Variants in LILRB1 observed in about 807,000 individuals in gnomAD.
LILRB1 encodes leukocyte immunoglobulin like receptor B1, also known as leukocyte immunoglobulin-like receptor subfamily B member 1.
In LILRB1, 59 loss-of-function variants were observed where a neutral mutation model predicts 74.6. The ratio of observed to expected loss-of-function variants is 0.79; its 90% CI spans 0.64 to 0.98. The LOEUF is 0.98. LILRB1 is among the 50% of genes least tolerant of loss of function. The pLI is 0.00. For missense variants in LILRB1, 804 were observed against 822.6 expected, an observed-to-expected ratio of 0.98 and a Z score of 0.28; for synonymous variants, 328 against 333.9, an observed-to-expected ratio of 0.98 and a Z score of 0.19.
At position 54,630,627 on chromosome 19, in the gene LILRB1, T is replaced by G. The variant is rs2063753363; in HGVS notation, c.-55T>G. 1.1e-6 allele frequency: 1 copy of G among 879,316 alleles called. No individual in the cohort carries two copies. The highest frequency in any genetic ancestry group is 2.0e-5 in the Admixed American group (1 of 50,212). 54.5% of individuals were successfully genotyped at this position (879,316 alleles called of 1,614,324 possible). On this transcript the variant is annotated 5_prime_UTR_variant, in exon 1 of 15. Transcript: ENST00000324602. ...GCATCTCCAGGGCTGGAGGGACGAC[T>G]GCCATGGTAAGGACCCCACAACACT... is the stretch of plus-strand genomic sequence containing the variant.
chr19:54,626,422 C>T (rs762330655), upstream of LILRB1, among the ~76,000 whole-genome samples: 56 of 152,266 alleles, frequency 3.7e-4, no homozygotes, highest in Middle Eastern at 6.8e-3. Flanking sequence ...TAACGTACTC[C>T]TTATTTCCTT....
intron 13 of LILRB1, 120 bp downstream of exon 13, chr19:54,635,729 C>T (rs1568606226): frequency 1.7e-6 from 2 of 1,201,842 alleles, no homozygotes; most frequent in Non-Finnish European, 1.2e-6. Context: ...CCCTCCTTGT[C>T]CAGCACGCTG....
rs371901077 is a variant in LILRB1, at chr19:54,635,653, C to T, written c.1653+44C>T. On this transcript the variant is annotated intron_variant, in intron 13 of 14. Transcript: ENST00000324602. ...CCCAGGCACCAAAGGCCTCCTGGTG[C>T]CAGATCTAATCCTGCAGAACTTCTC... is the stretch of plus-strand genomic sequence containing the variant. The T allele has an allele frequency of 6.6e-5, 105 of 1,599,996 alleles. No individual in the cohort carries two copies. The Middle Eastern group carries it at 8.9e-4, about 14-fold the overall frequency.
upstream of LILRB1, among the ~76,000 whole-genome samples, chr19:54,627,233 T>TC (rs2063617953): frequency 4.6e-5 from 7 of 152,168 alleles, no homozygotes; most frequent in South Asian, 1.3e-3. Context: ...TAGGTTGTTT[T>TC]TAGAAAACAC....
chr19:54,631,116 T>A lies in LILRB1; in HGVS notation c.34+9T>A. Reference sequence around the variant, plus strand: ...GGTCCTGATCTGTCTCGGTGAGATTTGAAGAAGGAGGGGAGCTTCTAACCT... The same window carrying A: ...GGTCCTGATCTGTCTCGGTGAGATTAGAAGAAGGAGGGGAGCTTCTAACCT... On this transcript the variant is annotated intron_variant, in intron 2 of 14. Coordinates refer to ENST00000324602, the MANE Select transcript of LILRB1 (RefSeq NM_001081637.3). The A allele has an allele frequency of 6.2e-7, 1 of 1,614,080 alleles. No individual in the cohort carries two copies. The highest frequency in any genetic ancestry group is 8.5e-7 in the Non-Finnish European group (1 of 1,179,972).
Position 54,631,106 on chromosome 19 carries a change from C to A in LILRB1, c.33C>A (p.Leu11=). ...CCATCCTCACGGTCCTGATCTGTCT[C>A]GGTGAGATTTGAAGAAGGAGGGGAG... MTPILTVLIC[L]GLSLGPRTHV... is the part of the protein sequence containing the mutation. The change falls in exon 2 of 15, where the codon CTC becomes CTA. Residue 11 remains leucine, a splice_region_variant and synonymous_variant. Transcript: ENST00000324602. The A allele has an allele frequency of 1.2e-6, 2 of 1,614,138 alleles. No homozygotes were observed. The highest frequency in any genetic ancestry group is 1.7e-6 in the Non-Finnish European group (2 of 1,179,998).
intron 10 of LILRB1, 107 bp downstream of exon 10, chr19:54,634,870 A>G: frequency 1.3e-6 from 2 of 1,535,262 alleles, no homozygotes; most frequent in Non-Finnish European, 1.8e-6. Context: ...AAACTGTTCC[A>G]GCATTTCTCA....
At chr19:54,636,216 C>T (rs902146972) in intron 13 of LILRB1, 7 of 612,722 alleles carry the variant, frequency 1.1e-5, no homozygotes, top group Admixed American at 8.6e-5. Context: ...GATGGACGAG[C>T]CCCTGCAGGC....
At chr19:54,617,587 G>A (rs917802957) in intron 1 of LILRB1, among the ~76,000 whole-genome samples, 1 of 148,280 alleles carries the variant, frequency 6.7e-6, no homozygotes, top group Non-Finnish European at 1.5e-5. Context: ...GTGTGTGTGT[G>A]TGGTGTGTGT....
intron 9 of LILRB1, 110 bp from the exon 10 acceptor site, chr19:54,634,531 G>A (rs1297809444): frequency 1.8e-5 from 27 of 1,521,796 alleles, no homozygotes; most frequent in African/African-American, 2.8e-5. Context: ...TGTGCTGCAC[G>A]ACTGTTGTGG....
chr19:54,634,223 G>A, intron 9 of LILRB1: 1 of 1,497,362 alleles, frequency 6.7e-7, no homozygotes, highest in South Asian at 1.3e-5. Context: ...GTGACCTCCT[G>A]GGAGAGGAGG....
chr19:54,629,284 G>A (rs534943897), upstream of LILRB1, among the ~76,000 whole-genome samples: 4 of 152,280 alleles, frequency 2.6e-5, no homozygotes, highest in East Asian at 7.7e-4. Context: ...GTACTGAAAC[G>A]AATTGCCTGT....
At chr19:54,629,229 C>T (rs767702611), upstream of LILRB1, among the ~76,000 whole-genome samples, 8 of 152,168 alleles carry the variant, frequency 5.3e-5, no homozygotes, top group Non-Finnish European at 8.8e-5. Flanking sequence ...CCAGCAGAGA[C>T]AATGTCGGGG....
rs369300705 is a variant in LILRB1, at chr19:54,633,173, G to A, written c.1116G>A (p.Thr372=). Residue 372 remains threonine, a synonymous_variant, in exon 7 of 15, where the codon ACG becomes ACA. Transcript: ENST00000324602. ...AADDPWRLRS[T]YQSQKYQAEF... ...ATGACCCATGGCGTCTAAGATCAAC[G>A]TACCAATCTCAAAAATACCAGGCTG... 2.9e-5 allele frequency: 44 copies of A among 1,538,494 alleles called. No homozygotes were observed. Among genetic ancestry groups the A allele is most frequent in the Admixed American group, 2.4e-4 (14 of 58,242 alleles).
chr19:54,631,421 G>C (rs1373507766), intron 3 of LILRB1, 79 bp from the exon 4 acceptor site: 3 of 1,608,918 alleles, frequency 1.9e-6, no homozygotes, highest in Non-Finnish European at 2.5e-6. Flanking sequence ...GGGGCGTCTG[G>C]AGGGTCCTGG....
chr19:54,631,645 G>A lies in LILRB1; in HGVS notation c.216G>A (p.Arg72=), dbSNP rs1247193369. 1 of 1,614,284 alleles carries A rather than the reference G, an allele frequency of 6.2e-7. No homozygotes were observed. The highest frequency in any genetic ancestry group is 1.3e-5 in the African/African-American group (1 of 75,080). ...REKKTAPWIT[R]IPQELVKKGQ... The stretch of plus-strand genomic sequence containing the variant: ...AGAAAACAGCACCCTGGATTACACG[G>A]ATCCCACAGGAGCTTGTGAAGAAGG... Residue 72 remains arginine (R), a synonymous_variant, in exon 4 of 15, where the codon CGG becomes CGA. Coordinates refer to ENST00000324602, the MANE Select transcript of LILRB1 (RefSeq NM_001081637.3).
chr19:54,629,791 C>G (rs2063708674), upstream of LILRB1, among the ~76,000 whole-genome samples: 1 of 152,270 alleles, frequency 6.6e-6, no homozygotes. Flanking sequence ...TGTGGCATCT[C>G]ACCTGTGGCC....
At chr19:54,621,672 G>A (rs1489933361) in intron 1 of LILRB1, among the ~76,000 whole-genome samples, 3 of 151,932 alleles carry the variant, frequency 2.0e-5, no homozygotes, top group African/African-American at 7.3e-5. Context: ...TTCTTTTGCT[G>A]TGCAGTAGCT....
Position 54,636,732 on chromosome 19 carries a change from G to A in LILRB1, c.1813G>A (p.Ala605Thr), listed in dbSNP as rs201258189. Residue 605 changes from alanine to threonine, a missense_variant and splice_region_variant, in exon 15 of 15, where the codon GCT (alanine) becomes ACT (threonine). Transcript: ENST00000324602. ...TCCCTCTCACTCTCCCCCGCTGCAG[G>A]CTGCTGCATCTGAAGCCCCCCAGGA... ...AEEDRQMDTE[A>T]AASEAPQDVT... 1 of 1,605,956 alleles carries A rather than the reference G, an allele frequency of 6.2e-7. No homozygotes were observed. Among genetic ancestry groups the A allele is most frequent in the East Asian group, 2.2e-5 (1 of 44,640 alleles).
Sources: gnomAD v4.1 joint callset for allele counts (sites outside exome capture counted in the v4.1 genomes callset) on GRCh38, gnomAD v4.1.1 for gene constraint, MANE v1.5 for transcripts, NCBI Gene and HGNC (gene_info 2026-07-23, HGNC 2026-07-21) for gene names.